NMU: variants seen among roughly 807,000 people sequenced by gnomAD.
NMU encodes neuromedin U.
NMU carries 29 observed loss-of-function variants against 35.4 expected under a neutral mutation model. The observed-to-expected ratio is 0.82, with a 90% CI of 0.61 to 1.12. NMU has a LOEUF of 1.12. NMU is among the 50% of genes most tolerant of loss of function. The probability of loss-of-function intolerance (pLI) is 0.00; values close to 1 mark genes in which losing one functional copy is unlikely to be tolerated. For missense variants in NMU, 199 were observed against 206.2 expected (o/e 0.97, Z 0.21); for synonymous variants, 78 against 81.3 (o/e 0.96, Z 0.22).
Position 55,619,892 on chromosome 4 carries a change from C to G in NMU, c.172-3507G>C, listed in dbSNP as rs989164326. Among the ~76,000 whole-genome samples the G allele has an allele frequency of 2.1e-3, 270 of 127,560 alleles. 2 individuals are homozygous for G. Among genetic ancestry groups the G allele is most frequent in the African/African-American group, 7.1e-3 (261 of 37,006 alleles). The allele number at this position is 127,560 out of a possible 152,430, so 83.7% of individuals were successfully genotyped here. A position where few individuals can be genotyped will look rare whatever the true frequency, so the allele number is the denominator to read the frequency against. ...GAGCAGCCTAACTGGGAGGCACCCC[C>G]CAGCAGGGGCACACTGACACCTCAC... On this transcript the variant is annotated intron_variant, in intron 2 of 9. Transcript: ENST00000264218.
At chr4:55,611,598 C>T (rs776957658) in intron 3 of NMU, among the ~76,000 whole-genome samples, 36 of 152,126 alleles carry the variant, frequency 2.4e-4, no homozygotes, top group Non-Finnish European at 5.9e-5. Flanking sequence ...ATGGTGAGTG[C>T]CCTATACAAG....
At chr4:55,617,154 A>G (rs1577952659) in intron 2 of NMU, among the ~76,000 whole-genome samples, 1 of 152,292 alleles carries the variant, frequency 6.6e-6, no homozygotes, top group Non-Finnish European at 1.5e-5. Flanking sequence ...GTTGAGTCCT[A>G]TTCATGGTAT....
chr4:55,599,823 C>T (rs1733351231), intron 8 of NMU, among the ~76,000 whole-genome samples: 1 of 152,288 alleles, frequency 6.6e-6, no homozygotes, highest in Non-Finnish European at 1.5e-5. Flanking sequence ...GCATTTCACA[C>T]AGTACTTTAT....
At chr4:55,618,499 G>C (rs905577184) in intron 2 of NMU, among the ~76,000 whole-genome samples, 5 of 152,098 alleles carry the variant, frequency 3.3e-5, no homozygotes, top group African/African-American at 1.2e-4. Context: ...TTGGTTTGCT[G>C]TAGCTCTGTA....
chr4:55,632,145 G>A (rs1406914313), intron 1 of NMU, among the ~76,000 whole-genome samples: 1 of 152,120 alleles, frequency 6.6e-6, no homozygotes, highest in Non-Finnish European at 1.5e-5. Context: ...TGGACTTTGG[G>A]GACTCGGAGG....
intron 2 of NMU, among the ~76,000 whole-genome samples, chr4:55,617,268 A>T (rs1023282971): frequency 7.2e-5 from 11 of 152,192 alleles, no homozygotes; most frequent in South Asian, 2.1e-4. Context: ...CATTGCTTCC[A>T]AGTTGAACAT....
At chr4:55,613,877 C>T (rs1055808851) in intron 3 of NMU, among the ~76,000 whole-genome samples, 8 of 152,126 alleles carry the variant, frequency 5.3e-5, no homozygotes, top group African/African-American at 1.4e-4. Flanking sequence ...AGCCAGCCAG[C>T]GACCACCAAG....
At chr4:55,611,987 A>G (rs1733952629) in intron 3 of NMU, among the ~76,000 whole-genome samples, 1 of 152,212 alleles carries the variant, frequency 6.6e-6, no homozygotes, top group Non-Finnish European at 1.5e-5. Flanking sequence ...TAGGAGTTGG[A>G]GGAGTGTGGC....
intron 2 of NMU, among the ~76,000 whole-genome samples, chr4:55,618,105 CA>C (rs1459054202): frequency 6.6e-6 from 1 of 152,192 alleles, no homozygotes; most frequent in Non-Finnish European, 1.5e-5. Flanking sequence ...GAACTCTGTA[CA>C]GACCATTGGT....
At position 55,635,064 on chromosome 4, in the gene NMU, C is replaced by A. The variant is rs563414521; in HGVS notation, c.112+1017G>T. On this transcript the variant is annotated intron_variant, in intron 1 of 9. Coordinates refer to ENST00000264218, the MANE Select transcript of NMU (RefSeq NM_006681.4). ...GATTTTAAGTACCCAACGTTCTGAA[C>A]AATGACACAACAGTCTGCCACTTTT... 1.2e-3 allele frequency among the ~76,000 whole-genome samples: 186 copies of A among 152,262 alleles called. 1 individual carries two copies. Among genetic ancestry groups the A allele is most frequent in the African/African-American group, 4.1e-3 (169 of 41,550 alleles).
intron 3 of NMU, among the ~76,000 whole-genome samples, chr4:55,610,514 G>A (rs1168404598): frequency 2.0e-5 from 3 of 151,692 alleles, no homozygotes; most frequent in East Asian, 1.9e-4. Context: ...AAGGCCTCCA[G>A]TAGTCTCACC....
chr4:55,596,777 G>C (rs1733198949), intron 9 of NMU, among the ~76,000 whole-genome samples: 2 of 151,998 alleles, frequency 1.3e-5, no homozygotes, highest in Admixed American at 1.3e-4. Flanking sequence ...AATTGAATTG[G>C]CTAACACATT....
intron 2 of NMU, among the ~76,000 whole-genome samples, chr4:55,629,669 C>T (rs181786672): frequency 2.7e-5 from 4 of 150,044 alleles, no homozygotes; most frequent in Admixed American, 2.0e-4. Context: ...CCTCCCATTT[C>T]AGCCTCCCAA....
intron 1 of NMU, among the ~76,000 whole-genome samples, chr4:55,632,812 A>C (rs1173893103): frequency 6.6e-6 from 1 of 152,136 alleles, no homozygotes; most frequent in Non-Finnish European, 1.5e-5. Flanking sequence ...ACACCGCCTC[A>C]TCAGAACCAT....
intron 9 of NMU, among the ~76,000 whole-genome samples, chr4:55,597,339 T>G (rs542609007): frequency 6.6e-6 from 1 of 151,928 alleles, no homozygotes. Flanking sequence ...TTTTTTTTCT[T>G]CTTCTTCTTC....
At chr4:55,614,403 A>G (rs1577949987) in intron 3 of NMU, among the ~76,000 whole-genome samples, 1 of 152,296 alleles carries the variant, frequency 6.6e-6, no homozygotes, top group African/African-American at 2.4e-5. Flanking sequence ...CAATTTCTGC[A>G]TAGCATGTTT....
chr4:55,618,627 TTC>T (rs925260149), intron 2 of NMU, among the ~76,000 whole-genome samples: 7 of 151,842 alleles, frequency 4.6e-5, no homozygotes, highest in African/African-American at 1.2e-4. Context: ...CTCCTCTTTC[TTC>T]TTTCTTTTCT....
At chr4:55,632,992 A>C (rs1715693293) in intron 1 of NMU, among the ~76,000 whole-genome samples, 1 of 127,760 alleles carries the variant, frequency 7.8e-6, no homozygotes, top group Non-Finnish European at 1.7e-5. Context: ...AAAGGAGAGG[A>C]AACAAAATTA....
chr4:55,632,111 G>C (rs908446805), intron 1 of NMU, among the ~76,000 whole-genome samples: 1 of 152,066 alleles, frequency 6.6e-6, no homozygotes, highest in Admixed American at 6.6e-5. Context: ...AAGCTATGAG[G>C]ACACAAAACA....
Sources: allele counts gnomAD v4.1 joint callset (sites outside exome capture counted in the v4.1 genomes callset), GRCh38; gene constraint gnomAD v4.1.1; transcripts MANE v1.5; gene names NCBI Gene and HGNC (gene_info 2026-07-23, HGNC 2026-07-21).